Variants in DPP6 observed in about 807,000 individuals in gnomAD.
DPP6 encodes the protein A-type potassium channel modulatory protein DPP6.
A neutral mutation model predicts 122.6 loss-of-function variants in DPP6; 69 were observed. The observed-to-expected ratio is 0.56, with a 90% CI of 0.46 to 0.69. The LOEUF is 0.69. Among genes scored for constraint, DPP6 ranks in the 30% least tolerant of loss-of-function variants. The pLI is 0.00. For synonymous variants in DPP6, 418 were observed against 433.1 expected, an observed-to-expected ratio of 0.97 and a Z score of 0.43; for missense variants, 928 against 1,116.9, an observed-to-expected ratio of 0.83 and a Z score of 2.41.
chr7:154,852,345 C>T lies in DPP6; in HGVS notation c.1667-1435C>T, dbSNP rs138025287. Reference sequence around the variant, plus strand: ...CCTGGGTCCATAGCCTGAAGCAGAGCGCAAGCAGCAGCCCTGGCCACAGTG... The same window carrying T: ...CCTGGGTCCATAGCCTGAAGCAGAGTGCAAGCAGCAGCCCTGGCCACAGTG... On this transcript the variant is annotated intron_variant, in intron 16 of 25. Transcript: ENST00000377770. Among the ~76,000 whole-genome samples, 8 of 152,296 alleles carry T rather than the reference C, an allele frequency of 5.3e-5. No individual in the cohort carries two copies. In the East Asian group the frequency reaches 1.4e-3, roughly 26 times the overall value.
intron 7 of DPP6, among the ~76,000 whole-genome samples, chr7:154,692,373 T>G (rs1839978144): frequency 6.6e-6 from 1 of 152,206 alleles, no homozygotes; most frequent in Non-Finnish European, 1.5e-5. Flanking sequence ...TGTATGTAAT[T>G]AAGTCACGTC....
intron 16 of DPP6, among the ~76,000 whole-genome samples, chr7:154,842,852 C>T (rs1283588914): frequency 1.3e-5 from 2 of 152,308 alleles, no homozygotes; most frequent in East Asian, 3.9e-4. Context: ...GCAGGCGTGC[C>T]ATTGTATATT....
intron 1 of DPP6, among the ~76,000 whole-genome samples, chr7:153,892,552 G>C (rs554811422): frequency 6.6e-6 from 1 of 152,126 alleles, no homozygotes; most frequent in Non-Finnish European, 1.5e-5. Context: ...GACGTCAGGT[G>C]GTCTGCCCGT....
rs73483852 is a variant in DPP6, at chr7:154,561,598, T to C, written c.553-5244T>C. ...AACAAAGCAATACTTAAAGGGGAAT[T>C]TATATCTTTAACTGTTCATATTAGA... On this transcript the variant is annotated intron_variant, in intron 4 of 25. Transcript: ENST00000377770. Among the ~76,000 whole-genome samples the C allele has an allele frequency of 8.9e-3, 1,356 of 152,308 alleles. 20 individuals carry two copies. Among genetic ancestry groups the C allele is most frequent in the African/African-American group, 0.029 (1,219 of 41,568 alleles).
At chr7:154,586,092 G>A (rs1267386438) in intron 5 of DPP6, among the ~76,000 whole-genome samples, 1 of 152,062 alleles carries the variant, frequency 6.6e-6, no homozygotes, top group Non-Finnish European at 1.5e-5. Flanking sequence ...AAGCAGGCAG[G>A]CCAAGGTGGG....
chr7:154,140,427 C>T (rs946833049), intron 1 of DPP6, among the ~76,000 whole-genome samples: 121 of 152,278 alleles, frequency 7.9e-4, no homozygotes, highest in African/African-American at 2.8e-3. Flanking sequence ...GATAGAAAAC[C>T]ATGGAGCTTC....
At chr7:153,786,819 C>T in the DPP6 span, among the ~76,000 whole-genome samples, 1 of 135,748 alleles carries the variant, frequency 7.4e-6, no homozygotes, top group Non-Finnish European at 1.6e-5. Context: ...TATATGTATA[C>T]TAATATTCTG....
intron 16 of DPP6, among the ~76,000 whole-genome samples, chr7:154,847,942 C>A (rs535739247): frequency 1.4e-4 from 22 of 152,304 alleles, no homozygotes; most frequent in Admixed American, 5.9e-4. Flanking sequence ...CTATGCCTGG[C>A]TTATTTCACT....
At chr7:153,932,583 A>G (rs1236052747) in intron 1 of DPP6, among the ~76,000 whole-genome samples, 1 of 152,228 alleles carries the variant, frequency 6.6e-6, no homozygotes, top group Non-Finnish European at 1.5e-5. Flanking sequence ...GGCAAGAACA[A>G]ACAAGATTGA....
chr7:154,283,888 G>A (rs868367622), intron 1 of DPP6, among the ~76,000 whole-genome samples: 2 of 152,160 alleles, frequency 1.3e-5, no homozygotes, highest in Non-Finnish European at 2.9e-5. Flanking sequence ...TTCTGGACAC[G>A]AATCATTTCA....
chr7:154,455,430 T>C (rs777456867), intron 2 of DPP6, among the ~76,000 whole-genome samples: 6 of 152,160 alleles, frequency 3.9e-5, no homozygotes, highest in Non-Finnish European at 5.9e-5. Context: ...CCTTGAGGAA[T>C]GTGGTCTACA....
chr7:154,051,748 C>A (rs1269910792), upstream of DPP6, among the ~76,000 whole-genome samples: 2 of 150,578 alleles, frequency 1.3e-5, no homozygotes, highest in Non-Finnish European at 3.0e-5. Context: ...GCGAGGGGCG[C>A]CTGGGCCTCT....
At chr7:154,611,272 G>A (rs147353272) in intron 5 of DPP6, among the ~76,000 whole-genome samples, 5 of 152,294 alleles carry the variant, frequency 3.3e-5, no homozygotes, top group Admixed American at 1.3e-4. Context: ...AAATGATGTT[G>A]CTTGTTACGT....
At chr7:154,013,474 T>A (rs886863182) in intron 1 of DPP6, among the ~76,000 whole-genome samples, 6 of 150,222 alleles carry the variant, frequency 4.0e-5, no homozygotes, top group South Asian at 2.1e-4. Flanking sequence ...TTTTTTTTTT[T>A]AACAAATTCA....
At chr7:154,279,410 A>G (rs1450899223) in intron 1 of DPP6, among the ~76,000 whole-genome samples, 1 of 152,304 alleles carries the variant, frequency 6.6e-6, no homozygotes, top group Non-Finnish European at 1.5e-5. Flanking sequence ...TCTGGCCAGT[A>G]TATTCTAGGA....
chr7:154,592,432 C>A (rs993830099), intron 5 of DPP6, among the ~76,000 whole-genome samples: 4 of 152,178 alleles, frequency 2.6e-5, no homozygotes, highest in African/African-American at 9.7e-5. Flanking sequence ...ATGCACCAGG[C>A]GCTCTCGCAG....
the DPP6 span, among the ~76,000 whole-genome samples, chr7:153,867,785 G>C: frequency 6.6e-6 from 1 of 152,112 alleles, no homozygotes; most frequent in Non-Finnish European, 1.5e-5. Flanking sequence ...TTGGCTGTGG[G>C]TTTGACATAG....
the DPP6 span, among the ~76,000 whole-genome samples, chr7:153,813,906 T>C: frequency 1.3e-5 from 2 of 152,196 alleles, no homozygotes; most frequent in African/African-American, 4.8e-5. Flanking sequence ...GAGTTCATTG[T>C]AGATTCTGGA....
rs533387700 is a variant in DPP6, at chr7:154,605,880, T to A, written c.628-31941T>A. Among the ~76,000 whole-genome samples the A allele has an allele frequency of 1.9e-4, 23 of 120,048 alleles. 8 individuals are homozygous for A. Among genetic ancestry groups the A allele is most frequent in the Middle Eastern group, 8.5e-3 (2 of 234 alleles). 78.8% of individuals were successfully genotyped at this position (120,048 alleles called of 152,430 possible). ...TGGATCTGTGAGTCTTGATACGGAG[T>A]GTTCATTACATTCAATGCTAAATAT... On this transcript the variant is annotated intron_variant, in intron 5 of 25. Coordinates refer to ENST00000377770, the MANE Select transcript of DPP6 (RefSeq NM_130797.4).
Sources: gnomAD v4.1 joint callset for allele counts (sites outside exome capture counted in the v4.1 genomes callset) on GRCh38, gnomAD v4.1.1 for gene constraint, MANE v1.5 for transcripts, NCBI Gene and HGNC (gene_info 2026-07-23, HGNC 2026-07-21) for gene names.